IMMP2L: variants seen among roughly 807,000 people sequenced by gnomAD.
IMMP2L encodes inner mitochondrial membrane peptidase subunit 2.
Under a neutral mutation model 19.3 loss-of-function variants are expected in IMMP2L, and 18 were observed. The observed-to-expected ratio is 0.93, with a 90% CI of 0.64 to 1.38. IMMP2L has a LOEUF of 1.38. Ranked by LOEUF, IMMP2L falls within the 40% of genes most tolerant of loss-of-function variation. IMMP2L has a pLI of 0.00. For synonymous variants in IMMP2L, 76 were observed against 73.0 expected (o/e 1.04, Z -0.21); for missense variants, 233 against 218.2 (o/e 1.07, Z -0.43).
intron 5 of IMMP2L, among the ~76,000 whole-genome samples, 159 bp from the exon 6 acceptor site, chr7:110,663,880 C>A (rs904965397): frequency 6.6e-6 from 1 of 152,038 alleles, no homozygotes; most frequent in African/African-American, 2.4e-5. Flanking sequence ...CATTGAAATA[C>A]AAAGAAAAAT....
At chr7:111,014,224 G>A (rs781582969) in intron 3 of IMMP2L, among the ~76,000 whole-genome samples, 3 of 151,904 alleles carry the variant, frequency 2.0e-5, no homozygotes, top group Non-Finnish European at 2.9e-5. Context: ...GCATTGTGGC[G>A]CATGCCTGTA....
intron 3 of IMMP2L, among the ~76,000 whole-genome samples, chr7:110,996,960 T>C (rs565100259): frequency 2.6e-5 from 4 of 152,002 alleles, no homozygotes; most frequent in Non-Finnish European, 5.9e-5. Flanking sequence ...TGTAGATTCA[T>C]GTACCACCAA....
chr7:111,403,912 T>C (rs1833688126), intron 3 of IMMP2L, among the ~76,000 whole-genome samples: 1 of 152,128 alleles, frequency 6.6e-6, no homozygotes. Context: ...GGAAGTCTTT[T>C]GAAAGGTTTG....
chr7:111,217,406 A>G lies in IMMP2L; in HGVS notation c.240-253841T>C, dbSNP rs115552432. 4.1e-3 allele frequency among the ~76,000 whole-genome samples: 623 copies of G among 152,224 alleles called. 10 individuals carry two copies. The highest frequency in any genetic ancestry group is 0.014 in the African/African-American group (602 of 41,518). ...TAAGTGGGTACCTGACCCTTTTCAC[A>G]TGAAACAAGAAGTGGTAAGAAAGAT... is the stretch of plus-strand genomic sequence containing the variant. On this transcript the variant is annotated intron_variant, in intron 3 of 5. Transcript: ENST00000405709.
At position 111,238,623 on chromosome 7, in the gene IMMP2L, T is replaced by C. The variant is rs528554623; in HGVS notation, c.239+248615A>G. On this transcript the variant is annotated intron_variant, in intron 3 of 5. Transcript: ENST00000405709. ...CACAAATAATGAAAAAGAAAGGTTT[T>C]AGAGTGATAAAAGACCCCTCAAAAG... Among the ~76,000 whole-genome samples, 4 of 152,062 alleles carry C rather than the reference T, an allele frequency of 2.6e-5. 1 individual carries two copies. The South Asian group carries it at 8.3e-4, about 32-fold the overall frequency.
chr7:111,422,199 C>T (rs1835631162), intron 3 of IMMP2L, among the ~76,000 whole-genome samples: 1 of 151,780 alleles, frequency 6.6e-6, no homozygotes, highest in South Asian at 2.1e-4. Flanking sequence ...AGTGTCTTGG[C>T]AATGAGGGCT....
chr7:111,412,375 G>T (rs1325454265), intron 3 of IMMP2L, among the ~76,000 whole-genome samples: 1 of 151,546 alleles, frequency 6.6e-6, no homozygotes, highest in South Asian at 2.1e-4. Flanking sequence ...GCTAATGCAC[G>T]TAAAAAAATT....
At chr7:111,232,516 G>T (rs1813826523) in intron 3 of IMMP2L, among the ~76,000 whole-genome samples, 1 of 151,638 alleles carries the variant, frequency 6.6e-6, no homozygotes, top group East Asian at 1.9e-4. Flanking sequence ...GATCTGACAT[G>T]GAAATTTTCA....
At chr7:110,767,944 T>C (rs1798773861) in intron 5 of IMMP2L, among the ~76,000 whole-genome samples, 1 of 152,198 alleles carries the variant, frequency 6.6e-6, no homozygotes, top group Non-Finnish European at 1.5e-5. Flanking sequence ...GAGAATTTTA[T>C]TGATTGTCTA....
At chr7:111,316,284 A>T (rs1242458670) in intron 3 of IMMP2L, among the ~76,000 whole-genome samples, 2 of 152,106 alleles carry the variant, frequency 1.3e-5, no homozygotes, top group African/African-American at 4.8e-5. Context: ...AGGATGTTAG[A>T]TGTATTCAAA....
intron 3 of IMMP2L, among the ~76,000 whole-genome samples, chr7:111,365,307 T>A (rs949000025): frequency 4.6e-5 from 7 of 152,172 alleles, no homozygotes; most frequent in African/African-American, 1.7e-4. Flanking sequence ...ATTTCATTTC[T>A]TGAAAATATT....
Position 110,803,772 on chromosome 7 carries a change from G to A in IMMP2L, c.408+82821C>T, listed in dbSNP as rs1801419923. On this transcript the variant is annotated intron_variant, in intron 5 of 5. Coordinates refer to ENST00000405709, the MANE Select transcript of IMMP2L (RefSeq NM_032549.4). This position sits in a 1 kb window ranked among gnomAD's most constrained non-coding sequence, Gnocchi z 4.2. ...GAAGTCATTCCTTGAAGGAACACCT[G>A]GGGAGTCAGAGTTACCAGTAGTTTT... Among the ~76,000 whole-genome samples the A allele has an allele frequency of 6.6e-6, 1 of 152,010 alleles. No individual in the cohort carries two copies.
At chr7:110,704,049 G>A (rs573412534) in intron 5 of IMMP2L, among the ~76,000 whole-genome samples, 2 of 151,956 alleles carry the variant, frequency 1.3e-5, no homozygotes, top group South Asian at 2.1e-4. Context: ...GGGTTTCACC[G>A]TGTTAGCCAG....
chr7:110,805,340 T>C (rs1483530950), intron 5 of IMMP2L, among the ~76,000 whole-genome samples: 1 of 152,088 alleles, frequency 6.6e-6, no homozygotes, highest in African/African-American at 2.4e-5. Context: ...TTATGGCTTA[T>C]TTATTGTTAA....
At chr7:110,917,685 G>C (rs760547245) in intron 4 of IMMP2L, among the ~76,000 whole-genome samples, 2 of 152,144 alleles carry the variant, frequency 1.3e-5, no homozygotes, top group African/African-American at 4.8e-5. Flanking sequence ...AAAGAATAGG[G>C]AGACGGGAAA....
chr7:111,130,332 A>G (rs988502748), intron 3 of IMMP2L, among the ~76,000 whole-genome samples: 4 of 152,136 alleles, frequency 2.6e-5, no homozygotes, highest in Admixed American at 2.6e-4. Context: ...AGCAAAAAGA[A>G]TTGTGGTTGA....
chr7:111,462,756 G>A (rs1010344890), intron 3 of IMMP2L, among the ~76,000 whole-genome samples: 6 of 151,876 alleles, frequency 4.0e-5, no homozygotes, highest in Admixed American at 3.9e-4. Context: ...TCGTCTATAG[G>A]GCCCTAGCTC....
intron 4 of IMMP2L, among the ~76,000 whole-genome samples, chr7:110,938,531 C>G (rs917620818): frequency 6.6e-6 from 1 of 151,990 alleles, no homozygotes. Flanking sequence ...CCAAACATAC[C>G]CTCCAAAACT....
intron 5 of IMMP2L, among the ~76,000 whole-genome samples, chr7:110,745,491 C>G (rs1797275454): frequency 6.6e-6 from 1 of 152,120 alleles, no homozygotes; most frequent in Non-Finnish European, 1.5e-5. Flanking sequence ...ATGTTAAGGG[C>G]AGCCAGAGAG....
Sources: allele counts gnomAD v4.1 joint callset (sites outside exome capture counted in the v4.1 genomes callset), GRCh38; gene constraint gnomAD v4.1.1; non-coding constraint Gnocchi (gnomAD v3.1); transcripts MANE v1.5; gene names NCBI Gene and HGNC (gene_info 2026-07-23, HGNC 2026-07-21).